GCLC: variants seen among roughly 807,000 people sequenced by gnomAD.
GCLC encodes the protein glutamate--cysteine ligase catalytic subunit.
A neutral mutation model predicts 81.5 loss-of-function variants in GCLC; 30 were observed. The ratio of observed to expected loss-of-function variants is 0.37; its 90% CI spans 0.28 to 0.50. The LOEUF (loss-of-function observed/expected upper bound fraction) is 0.50. Ranked by LOEUF, GCLC falls within the 20% of genes least tolerant of loss-of-function variation. The pLI is 0.96. For synonymous variants in GCLC, 262 were observed against 273.3 expected (o/e 0.96, Z 0.41); for missense variants, 556 against 777.4 (o/e 0.72, Z 3.39).
chr6:53,544,539 G>A lies in GCLC; in HGVS notation c.107C>T (p.Ala36Val). 6.2e-7 allele frequency: 1 copy of A among 1,609,088 alleles called. No individual in the cohort carries two copies. Among genetic ancestry groups the A allele is most frequent in the Non-Finnish European group, 8.5e-7 (1 of 1,179,632 alleles). Residue 36 changes from alanine (A) to valine (V), a missense_variant, in exon 1 of 16, where the codon GCC becomes GTC. Physicochemically the swap from Ala to Val is moderately conservative, Grantham distance 64. Coordinates refer to ENST00000650454, the MANE Select transcript of GCLC (RefSeq NM_001498.4). ...GILQFLHIYH[A>V]VKDRHKDVLK... is the part of the protein sequence containing the mutation. ...AACGTCCTTGTGCCGGTCCTTGACG[G>A]CGTGGTAGATGTGCAGGAACTGGAG...
intron 9 of GCLC, 38 bp downstream of exon 9, chr6:53,507,442 C>T (rs367776771): frequency 6.8e-6 from 11 of 1,606,154 alleles, no homozygotes; most frequent in South Asian, 4.4e-5. Flanking sequence ...GAACTAAAGG[C>T]GTACATTCAA....
In GCLC at chr6:53,505,870, G is replaced by T; in HGVS notation, c.1223C>A (p.Thr408Lys). Residue 408 changes from threonine (T) to lysine (K), a missense_variant, in exon 11 of 16, where the codon ACA becomes AAA. Transcript: ENST00000650454. ...TGGAGGAGGGGGCTTAAATCTCATT[G>T]TCTGCCAATTTGTGGACTGAATATT... ...FENIQSTNWQ[T>K]MRFKPPPPNS... The T allele has an allele frequency of 6.2e-7, 1 of 1,610,272 alleles. No individual in the cohort carries two copies. The highest frequency in any genetic ancestry group is 8.5e-7 in the Non-Finnish European group (1 of 1,176,538).
At chr6:53,521,952 C>T (rs531319182) in intron 2 of GCLC, among the ~76,000 whole-genome samples, 5 of 152,174 alleles carry the variant, frequency 3.3e-5, no homozygotes, top group Admixed American at 2.0e-4. Flanking sequence ...CCAGCCCGGA[C>T]GACAGAGTGA....
chr6:53,514,290 C>T lies in GCLC; in HGVS notation c.667G>A (p.Glu223Lys), dbSNP rs1156252633. 1.2e-6 allele frequency: 2 copies of T among 1,602,158 alleles called. No individual in the cohort carries two copies. The highest frequency in any genetic ancestry group is 2.7e-5 in the African/African-American group (2 of 74,700). The change falls in exon 6 of 16, where the codon GAG becomes AAG. Residue 223 changes from glutamate (E) to lysine (K), a missense_variant. This residue lies in a region of GCLC where 234 missense variants were observed against 303.8 expected (regional missense o/e 0.77). Transcript: ENST00000650454. ...GAAGCCCTTGAAGCTTCATCATCCT[C>T]AGTAAATGTTTCTATAAATGGAGAT... ...TPSPFIETFT[E>K]DDEASRASKP... is the part of the protein sequence containing the mutation.
At chr6:53,508,822 C>T in intron 7 of GCLC, 111 bp from the exon 8 acceptor site, 1 of 651,310 alleles carries the variant, frequency 1.5e-6, no homozygotes, top group Non-Finnish European at 2.7e-6. Context: ...GCAACCCATA[C>T]AGAGCACATG....
intron 1 of GCLC, among the ~76,000 whole-genome samples, chr6:53,532,801 G>A (rs1470409207): frequency 6.6e-6 from 1 of 152,088 alleles, no homozygotes; most frequent in African/African-American, 2.4e-5. Flanking sequence ...CAGGGGGTCT[G>A]TAAGAGCATT....
At chr6:53,542,939 G>A (rs1763384995) in intron 1 of GCLC, among the ~76,000 whole-genome samples, 1 of 151,542 alleles carries the variant, frequency 6.6e-6, no homozygotes, top group African/African-American at 2.4e-5. Context: ...AACCCGGGAG[G>A]CTGAGGTTGC....
At chr6:53,537,781 C>T (rs1034796035) in intron 1 of GCLC, among the ~76,000 whole-genome samples, 1 of 151,712 alleles carries the variant, frequency 6.6e-6, no homozygotes, top group African/African-American at 2.4e-5. Context: ...ATGTTTCATT[C>T]CTCAATGACC....
intron 1 of GCLC, among the ~76,000 whole-genome samples, chr6:53,526,395 A>C (rs748196741): frequency 3.9e-5 from 6 of 152,360 alleles, no homozygotes; most frequent in Non-Finnish European, 7.3e-5. Flanking sequence ...TTAGGATTTA[A>C]GTCTTTAAAT....
chr6:53,498,581 A>G lies in GCLC; in HGVS notation c.*175T>C, dbSNP rs1270394445. Reference sequence around the variant, plus strand: ...AAAATACTTTACTATGTACATGTACACTGTATAAACTCTAGATTTACCTAC... The same window carrying G: ...AAAATACTTTACTATGTACATGTACGCTGTATAAACTCTAGATTTACCTAC... On this transcript the variant is annotated 3_prime_UTR_variant, in exon 16 of 16. Coordinates refer to ENST00000650454, the MANE Select transcript of GCLC (RefSeq NM_001498.4). 4.7e-6 allele frequency: 3 copies of G among 641,464 alleles called. No individual in the cohort carries two copies. The highest frequency in any genetic ancestry group is 8.4e-6 in the Non-Finnish European group (3 of 356,316). 39.7% of individuals were successfully genotyped at this position (641,464 alleles called of 1,614,324 possible).
intron 8 of GCLC, among the ~76,000 whole-genome samples, chr6:53,508,032 T>C (rs1378153653): frequency 2.0e-5 from 3 of 152,200 alleles, no homozygotes; most frequent in Non-Finnish European, 4.4e-5. Flanking sequence ...ATAGCCCTGG[T>C]TGAGAATATC....
Position 53,509,253 on chromosome 6 carries a change from G to GT in GCLC, c.754-4dup, listed in dbSNP as rs1764686368. ...ATACTGCAGGCTTGGAATGTCACCT[G>GT]TTTAAGAATTGCAAAGTTATTAACA... On this transcript the variant is annotated splice_polypyrimidine_tract_variant and splice_region_variant and intron_variant, in intron 6 of 15. Transcript: ENST00000650454. The GT allele has an allele frequency of 6.3e-7, 1 of 1,584,412 alleles. No individual in the cohort carries two copies. The highest frequency in any genetic ancestry group is 8.7e-7 in the Non-Finnish European group (1 of 1,153,114).
At chr6:53,525,162 C>A (rs1288874394) in intron 1 of GCLC, among the ~76,000 whole-genome samples, 1 of 152,188 alleles carries the variant, frequency 6.6e-6, no homozygotes, top group Non-Finnish European at 1.5e-5. Context: ...AAATGTAATG[C>A]CTTCTGAAGT....
At chr6:53,527,637 C>T (rs1376170777) in intron 1 of GCLC, among the ~76,000 whole-genome samples, 1 of 152,206 alleles carries the variant, frequency 6.6e-6, no homozygotes, top group African/African-American at 2.4e-5. Context: ...CAATAACACG[C>T]TATTGCTGAA....
chr6:53,526,376 T>C (rs1445908416), intron 1 of GCLC, among the ~76,000 whole-genome samples: 2 of 152,208 alleles, frequency 1.3e-5, no homozygotes, highest in Non-Finnish European at 2.9e-5. Flanking sequence ...TAAGGGTAAA[T>C]ACAAGCTTTT....
Position 53,500,462 on chromosome 6 carries a change from T to G in GCLC, c.1447A>C (p.Met483Leu). Residue 483 changes from methionine (M) to leucine (L), a missense_variant, in exon 13 of 16, where the codon ATG becomes CTG. Around this residue, in one of 3 missense-constraint regions of GCLC, gnomAD observed 313 missense variants for 437.3 expected, o/e 0.72. Transcript: ENST00000650454. ...CAAATATCTTTCCTGAAATAAAACA[T>G]TCCCTGCAAGACAGCATCTCTTTTC... ...AQKRDAVLQG[M>L]FYFRKDICKG... 6.2e-7 allele frequency: 1 copy of G among 1,611,612 alleles called. No homozygotes were observed. Among genetic ancestry groups the G allele is most frequent in the Non-Finnish European group, 8.5e-7 (1 of 1,177,726 alleles).
chr6:53,536,440 TTTATG>T (rs979349157), intron 1 of GCLC, among the ~76,000 whole-genome samples: 10 of 152,212 alleles, frequency 6.6e-5, no homozygotes, highest in African/African-American at 2.4e-4. Flanking sequence ...TGCAGTTAAC[TTTATG>T]TTAATTATAA....
intron 6 of GCLC, among the ~76,000 whole-genome samples, chr6:53,511,915 A>AGGGGG (rs1764758067): frequency 2.6e-4 from 2 of 7,816 alleles, no homozygotes; most frequent in Non-Finnish European, 4.3e-4. Context: ...GGGGGGTGGG[A>AGGGGG]GGGGCTACCA....
intron 3 of GCLC, 49 bp downstream of exon 3, chr6:53,520,729 A>G (rs778872509): frequency 6.7e-7 from 1 of 1,487,004 alleles, no homozygotes; most frequent in Admixed American, 1.7e-5. Context: ...TCTTTTCATT[A>G]CCTGTATCTC....
Sources: allele counts gnomAD v4.1 joint callset (sites outside exome capture counted in the v4.1 genomes callset), GRCh38; gene constraint gnomAD v4.1.1; regional missense constraint gnomAD v4.1.1; transcripts MANE v1.5; gene names NCBI Gene and HGNC (gene_info 2026-07-23, HGNC 2026-07-21).